DBN1: variants seen among roughly 807,000 people sequenced by gnomAD.
The protein encoded by DBN1 is drebrin 1.
In DBN1, 21 loss-of-function variants were observed where a neutral mutation model predicts 83.5. The observed-to-expected ratio is 0.25, with a 90% CI of 0.18 to 0.36. DBN1 has a LOEUF of 0.36. DBN1 is among the 10% of genes least tolerant of loss of function. The pLI, the probability that DBN1 is intolerant of heterozygous loss-of-function variation, is 1.00. For missense variants in DBN1, 874 were observed against 935.7 expected, an observed-to-expected ratio of 0.93 and a Z score of 0.86; for synonymous variants, 381 against 384.9, an observed-to-expected ratio of 0.99 and a Z score of 0.12.
rs1271938860 is a variant in DBN1 at position 177,457,472 on chromosome 5, T to C, written c.2049A>G (p.Pro683=). 2 of 1,614,024 alleles carry C rather than the reference T, an allele frequency of 1.2e-6. No individual in the cohort carries two copies. The highest frequency in any genetic ancestry group is 1.7e-6 in the Non-Finnish European group (2 of 1,180,008). ...CGAAGCCCTCCTCCTCTTCTGGAAC[T>C]GGGTCTGCATCCCAGCATGTGATGT... The part of the protein sequence containing the change: ...EIDITCWDAD[P]VPEEEEGFEG... Residue 683 remains proline (P), a synonymous_variant, in exon 15 of 15, where the codon CCA becomes CCG. Coordinates refer to ENST00000393565, the MANE Select transcript of DBN1 (RefSeq NM_001363541.2).
rs146293350 is a variant in DBN1, at chr5:177,471,259, G to A, written c.86+2177C>T. ...GGTGCTAGAAAGGCCTTCAGTATCC[G>A]AGGTAGTGCTGGGCCCAATCCCTTT... is the stretch of plus-strand genomic sequence containing the variant. On this transcript the variant is annotated intron_variant, in intron 1 of 14. Transcript: ENST00000393565. Among the ~76,000 whole-genome samples, 30 of 152,198 alleles carry A rather than the reference G, an allele frequency of 2.0e-4. No homozygotes were observed. The East Asian group carries it at 2.9e-3, about 15-fold the overall frequency.
rs58012739 is a variant in DBN1, at chr5:177,464,603, C to CAATAAATAAATA, written c.771+2157_771+2168dup. On this transcript the variant is annotated intron_variant, in intron 8 of 14. Coordinates refer to ENST00000393565, the MANE Select transcript of DBN1 (RefSeq NM_001363541.2). ...TGAAACCCCATCTCTACTAAAAAGA[C>CAATAAATAAATA]AATAAATAAATAAATAAATAAATAA... 3.4e-3 allele frequency among the ~76,000 whole-genome samples: 468 copies of CAATAAATAAATA among 138,330 alleles called. 2 individuals are homozygous for CAATAAATAAATA. The highest frequency in any genetic ancestry group is 9.2e-3 in the East Asian group (44 of 4,758). 90.7% of individuals were successfully genotyped at this position (138,330 alleles called of 152,430 possible). A position where few individuals can be genotyped will look rare whatever the true frequency, so the allele number is the denominator to read the frequency against.
At chr5:177,471,843 T>C (rs1480648624) in intron 1 of DBN1, among the ~76,000 whole-genome samples, 1 of 152,106 alleles carries the variant, frequency 6.6e-6, no homozygotes, top group Non-Finnish European at 1.5e-5. Flanking sequence ...ACAGGGGTTG[T>C]GTGGCCTTGG....
In DBN1 at chr5:177,460,693, C is replaced by T. The variant is rs776167710; in HGVS notation, c.782G>A (p.Arg261Gln). 2.1e-5 allele frequency: 34 copies of T among 1,613,804 alleles called. No homozygotes were observed. The highest frequency in any genetic ancestry group is 2.2e-5 in the East Asian group (1 of 44,894). ...CATGTGGGTCTCTTCCTCCTCATCC[C>T]GATGGTCACCCTAGAAACCAAAGGG... Reference protein sequence around the residue: ...LKEQSIFGDHRDEEEETHMKK... With the variant: ...LKEQSIFGDHQDEEEETHMKK... Residue 261 changes from arginine (R) to glutamine (Q), a missense_variant, in exon 9 of 15, where the codon CGG becomes CAG. By Grantham distance (43) the Arg-to-Gln change is conservative. Transcript: ENST00000393565.
intron 1 of DBN1, chr5:177,473,083 C>G (rs1757967018): frequency 6.6e-6 from 1 of 152,356 alleles, no homozygotes; most frequent in African/African-American, 2.4e-5. Flanking sequence ...CTTGGCCGCC[C>G]CGTGCACACC....
intron 1 of DBN1, among the ~76,000 whole-genome samples, chr5:177,469,197 T>C (rs1254335929): frequency 2.0e-5 from 3 of 152,056 alleles, no homozygotes; most frequent in Non-Finnish European, 1.5e-5. Flanking sequence ...GGAGCGGGTG[T>C]GTGATGGAGA....
Position 177,458,514 on chromosome 5 carries a change from T to A in DBN1, c.1458A>T (p.Thr486=), listed in dbSNP as rs1756741855. The A allele has an allele frequency of 6.2e-7, 1 of 1,613,756 alleles. No homozygotes were observed. The highest frequency in any genetic ancestry group is 2.2e-5 in the East Asian group (1 of 44,878). The change falls in exon 13 of 15, where the codon ACA becomes ACT. Residue 486 remains threonine (T), a synonymous_variant. Coordinates refer to ENST00000393565, the MANE Select transcript of DBN1 (RefSeq NM_001363541.2). Reference sequence around the variant, plus strand: ...CATCGTGGATCTCCGTGGCGTCAGCTGTGGCAGGCTCCACGGGAGCAGCCA... The same window carrying A: ...CATCGTGGATCTCCGTGGCGTCAGCAGTGGCAGGCTCCACGGGAGCAGCCA... ...AVLAAPVEPA[T]ADATEIHDAA...
chr5:177,462,340 T>C, intron 8 of DBN1: 1 of 985,550 alleles, frequency 1.0e-6, no homozygotes, highest in Non-Finnish European at 1.2e-6. Flanking sequence ...CCCTCCCAAA[T>C]GCCTGCTCCC....
At chr5:177,457,904 G>C (rs1306641563) in intron 13 of DBN1, 147 bp from the exon 14 acceptor site, 1 of 1,011,696 alleles carries the variant, frequency 9.9e-7, no homozygotes, top group East Asian at 3.3e-5. Flanking sequence ...CAAAAGCAGA[G>C]CCGGCCCAGG....
rs777605962 is a variant in DBN1, at chr5:177,460,529, C to T, written c.858G>A (p.Arg286=). 1 of 1,614,188 alleles carries T rather than the reference C, an allele frequency of 6.2e-7. No individual in the cohort carries two copies. The highest frequency in any genetic ancestry group is 1.7e-5 in the Admixed American group (1 of 60,024). Residue 286 remains arginine (R), a synonymous_variant, in exon 10 of 15, where the codon CGG becomes CGA. Coordinates refer to ENST00000393565, the MANE Select transcript of DBN1 (RefSeq NM_001363541.2). ...TGAAGAACTCCCTTGGGTTGTCAGG[C>T]CGCTGGGCAATAATAGCTGCTGCCT... The part of the protein sequence containing the change: ...VEEAAAIIAQ[R]PDNPREFFKQ...
Position 177,456,783 on chromosome 5 carries a change from T to C in DBN1, c.*650A>G, listed in dbSNP as rs1196138680. On this transcript the variant is annotated 3_prime_UTR_variant, in exon 15 of 15. Coordinates refer to ENST00000393565, the MANE Select transcript of DBN1 (RefSeq NM_001363541.2). ...CACCAAAGCCCCTGGGCCCCATCCA[T>C]AGCCCTGACCTGAACCGCGCCTAGG... The C allele has an allele frequency of 1.4e-5, 2 of 142,316 alleles. No homozygotes were observed. Among genetic ancestry groups the C allele is most frequent in the East Asian group, 2.4e-4 (1 of 4,168 alleles). 8.8% of individuals were successfully genotyped at this position (142,316 alleles called of 1,614,324 possible).
chr5:177,459,769 A>T, intron 10 of DBN1, 29 bp from the exon 11 acceptor site: 1 of 1,455,540 alleles, frequency 6.9e-7, no homozygotes, highest in Non-Finnish European at 9.1e-7. Context: ...AGAGAAAGAG[A>T]CAGAGGACAA....
At chr5:177,472,109 T>C in intron 1 of DBN1, 2 of 1,605,774 alleles carry the variant, frequency 1.2e-6, no homozygotes, top group Non-Finnish European at 1.7e-6. Flanking sequence ...CGGCCTCTCC[T>C]GTGACTGACC....
At chr5:177,469,542 G>C (rs910809907) in intron 1 of DBN1, among the ~76,000 whole-genome samples, 5 of 152,204 alleles carry the variant, frequency 3.3e-5, no homozygotes, top group Non-Finnish European at 1.5e-5. Context: ...CTGGCCCCGG[G>C]GTGGCCAAGC....
rs1226081399 is a variant in DBN1 at position 177,467,250 on chromosome 5, C to T, written c.555+5G>A. 6.2e-7 allele frequency: 1 copy of T among 1,614,154 alleles called. No individual in the cohort carries two copies. The highest frequency in any genetic ancestry group is 2.2e-5 in the East Asian group (1 of 44,874). ...CTCAGCCAGGCCGGGCTCAGGGTTCCATACCTTGGCCTGCTCCCAGAACTG... is the reference window on the plus strand; with the variant it reads ...CTCAGCCAGGCCGGGCTCAGGGTTCTATACCTTGGCCTGCTCCCAGAACTG... On this transcript the variant is annotated splice_donor_5th_base_variant and intron_variant, in intron 6 of 14. Coordinates refer to ENST00000393565, the MANE Select transcript of DBN1 (RefSeq NM_001363541.2). This position sits in a 1 kb window ranked among gnomAD's most constrained non-coding sequence, Gnocchi z 9.1.
Position 177,467,371 on chromosome 5 carries a change from C to T in DBN1, c.478-39G>A. ...GGACCCAGCATAAGCAGGCTGAATG[C>T]CCCAGGAACCCCCGACACCTAAAGG... On this transcript the variant is annotated intron_variant, in intron 5 of 14. Transcript: ENST00000393565. The surrounding 1 kb of genome is among the most constrained non-coding windows in gnomAD (Gnocchi z 9.1). 6.2e-7 allele frequency: 1 copy of T among 1,613,536 alleles called. No homozygotes were observed. The highest frequency in any genetic ancestry group is 1.1e-5 in the South Asian group (1 of 91,074).
intron 1 of DBN1, among the ~76,000 whole-genome samples, chr5:177,469,831 G>A (rs1466338013): frequency 1.3e-5 from 2 of 152,230 alleles, no homozygotes; most frequent in African/African-American, 2.4e-5. Flanking sequence ...GGGCCTAGGA[G>A]GAAGGGCCTT....
Position 177,458,703 on chromosome 5 carries a change from G to A in DBN1, c.1269C>T (p.Thr423=), listed in dbSNP as rs1184695847. 1.3e-6 allele frequency: 2 copies of A among 1,517,436 alleles called. No individual in the cohort carries two copies. The highest frequency in any genetic ancestry group is 2.3e-5 in the East Asian group (1 of 44,016). The allele number at this position is 1,517,436 out of a possible 1,614,324, so 94.0% of individuals were successfully genotyped here. Residue 423 remains threonine, a synonymous_variant, in exon 13 of 15, where the codon ACC becomes ACT. Transcript: ENST00000393565. The stretch of plus-strand genomic sequence containing the variant: ...TGTCTAGGATGGGGCTGGGCTCCTG[G>A]GTCTCTGTCACAGCACAGGCAGAGG... ...LPPPPPPAQE[T]QEPSPILDSE... is the part of the protein sequence containing the mutation.
intron 8 of DBN1, among the ~76,000 whole-genome samples, chr5:177,465,014 C>T (rs375161756): frequency 2.6e-5 from 4 of 152,184 alleles, no homozygotes; most frequent in East Asian, 1.9e-4. Flanking sequence ...ATTAGCCGGA[C>T]GTGGTGGCGG....
Sources: allele counts gnomAD v4.1 joint callset (sites outside exome capture counted in the v4.1 genomes callset), GRCh38; gene constraint gnomAD v4.1.1; non-coding constraint Gnocchi (gnomAD v3.1); transcripts MANE v1.5; gene names NCBI Gene and HGNC (gene_info 2026-07-23, HGNC 2026-07-21).